The following MLH3 variants were observed in gnomAD, a reference collection of about 807,000 sequenced individuals.
MLH3 encodes mutL homolog 3.
Under a neutral mutation model 122.2 loss-of-function variants are expected in MLH3, and 82 were observed. The observed-to-expected ratio is 0.67, with a 90% confidence interval of 0.56 to 0.81. The LOEUF (loss-of-function observed/expected upper bound fraction) is 0.81, where lower values mean the gene tolerates loss of function less well. Among genes scored for constraint, MLH3 ranks in the 30% least tolerant of loss-of-function variants. The probability of loss-of-function intolerance (pLI) is 0.00; values close to 1 mark genes in which losing one functional copy is unlikely to be tolerated. For missense variants in MLH3, 1,539 were observed against 1,714.5 expected (o/e 0.90, Z 1.81); for synonymous variants, 524 against 599.5 (o/e 0.87, Z 1.84).
In MLH3 at chr14:75,047,223, A is replaced by C. The variant is rs769041255; in HGVS notation, c.2433T>G (p.His811Gln). 2 of 1,614,140 alleles carry C rather than the reference A, an allele frequency of 1.2e-6. No individual in the cohort carries two copies. Among genetic ancestry groups the C allele is most frequent in the South Asian group, 2.2e-5 (2 of 91,070 alleles). ...SDVCKITTME[H>Q]SDSDSSCQPA... is the part of the protein sequence containing the mutation. ...GTTGACAACTACTATCTGAATCACT[A>C]TGCTCCATAGTAGTGATTTTACAAA... Residue 811 changes from histidine (H) to glutamine (Q), a missense_variant, in exon 2 of 13, where the codon CAT (histidine) becomes CAG (glutamine). His to Gln is a conservative substitution (Grantham distance 24). Transcript: ENST00000355774.
intron 5 of MLH3, among the ~76,000 whole-genome samples, chr14:75,038,708 A>G (rs1447572027): frequency 6.6e-6 from 1 of 152,252 alleles, no homozygotes. Flanking sequence ...TGTTCCCAAC[A>G]GAGTGACTCT....
In MLH3 at chr14:75,048,303, G is replaced by C. The variant is rs1479636962; in HGVS notation, c.1353C>G (p.Ser451Arg). ...YIYESGGPGH[S>R]KMTEPSLQNK... ...TTTGTAAAGATGGCTCTGTCATTTT[G>C]CTATGGCCTGGACCACCTGATTCAT... is the stretch of plus-strand genomic sequence containing the variant. Residue 451 changes from serine (S) to arginine (R), a missense_variant, in exon 2 of 13, where the codon AGC becomes AGG. Physicochemically the swap from Ser to Arg is moderately radical, Grantham distance 110 (BLOSUM62 -1). Coordinates refer to ENST00000355774, the MANE Select transcript of MLH3 (RefSeq NM_001040108.2). 1.2e-6 allele frequency: 2 copies of C among 1,613,854 alleles called. No individual in the cohort carries two copies. Among genetic ancestry groups the C allele is most frequent in the Admixed American group, 3.3e-5 (2 of 59,996 alleles).
At position 75,014,527 on chromosome 14, in the gene MLH3, G is replaced by A. The variant is rs2139269027; in HGVS notation, c.*2555C>T. 5.0e-6 allele frequency: 1 copy of A among 198,592 alleles called. No individual in the cohort carries two copies. Among genetic ancestry groups the A allele is most frequent in the Non-Finnish European group, 1.0e-5 (1 of 95,896 alleles). 12.3% of individuals were successfully genotyped at this position (198,592 alleles called of 1,614,324 possible). ...GCTAGCTGTAACTAGCTGTGACTCTGTGATACCTAACGCCAGAAGAAGCTA... is the reference window on the plus strand; with the variant it reads ...GCTAGCTGTAACTAGCTGTGACTCTATGATACCTAACGCCAGAAGAAGCTA... On this transcript the variant is annotated 3_prime_UTR_variant, in exon 13 of 13. Transcript: ENST00000355774.
In MLH3 at chr14:75,047,894, T is replaced by C. The variant is rs1892367899; in HGVS notation, c.1762A>G (p.Ser588Gly). Reference sequence around the variant, plus strand: ...AAAACATTTCTTCTTCCACAATTGCTAGATTCTTTTTTTTTCTCTTTCTCT... The same window carrying C: ...AAAACATTTCTTCTTCCACAATTGCCAGATTCTTTTTTTTTCTCTTTCTCT... ...QTEKEKKKESSNCGRRNVFSY... is the reference protein window; with the variant it reads ...QTEKEKKKESGNCGRRNVFSY... Residue 588 changes from serine to glycine, a missense_variant, in exon 2 of 13, where the codon AGC becomes GGC. Transcript: ENST00000355774. The C allele has an allele frequency of 6.2e-7, 1 of 1,613,324 alleles. No homozygotes were observed. Among genetic ancestry groups the C allele is most frequent in the Non-Finnish European group, 8.5e-7 (1 of 1,179,894 alleles).
At chr14:75,038,161 A>G (rs1421193047) in intron 6 of MLH3, among the ~76,000 whole-genome samples, 179 bp downstream of exon 6, 1 of 152,152 alleles carries the variant, frequency 6.6e-6, no homozygotes, top group African/African-American at 2.4e-5. Context: ...CACCTCCCAA[A>G]GTGTTGGGAT....
At chr14:75,030,916 C>T (rs1891007812) in intron 8 of MLH3, among the ~76,000 whole-genome samples, 1 of 152,076 alleles carries the variant, frequency 6.6e-6, no homozygotes, top group African/African-American at 2.4e-5. Flanking sequence ...TTTCTCTTTT[C>T]CATTGGGAAT....
intron 11 of MLH3, among the ~76,000 whole-genome samples, chr14:75,019,906 A>G (rs1357291305): frequency 6.6e-6 from 1 of 152,200 alleles, no homozygotes; most frequent in African/African-American, 2.4e-5. Flanking sequence ...GGGGAGACAA[A>G]CATGAAGCAG....
chr14:75,018,100 G>T (rs566220860), intron 12 of MLH3, among the ~76,000 whole-genome samples: 2 of 151,780 alleles, frequency 1.3e-5, no homozygotes, highest in Non-Finnish European at 2.9e-5. Flanking sequence ...AGCCAAGATC[G>T]CACCATTGCA....
rs553459130 is a variant in MLH3, at chr14:75,046,251, T to C, written c.3280+125A>G. ...TATAGCATGAAAATACAACATATGT[T>C]TTATAAGTGGTCTTCAAAATGTTCT... On this transcript the variant is annotated intron_variant, in intron 2 of 12. Transcript: ENST00000355774. 285 of 959,486 alleles carry C rather than the reference T, an allele frequency of 3.0e-4. No homozygotes were observed. In the African/African-American group the frequency reaches 3.9e-3, roughly 13 times the overall value. 59.4% of individuals were successfully genotyped at this position (959,486 alleles called of 1,614,324 possible).
Position 75,032,142 on chromosome 14 carries a change from C to A in MLH3, c.3753G>T (p.Arg1251=), listed in dbSNP as rs1443601601. The change falls in exon 8 of 13, where the codon CGG becomes CGT. Residue 1251 remains arginine (R), a synonymous_variant. Coordinates refer to ENST00000355774, the MANE Select transcript of MLH3 (RefSeq NM_001040108.2). ...TTAGAGTAGAAGACAGTAATTTTTT[C>A]CGACCAGAGCCTTGTGCCTGTTGCT... ...YEKQQAQGSG[R]KKLLSSTLIP... is the part of the protein sequence containing the mutation. 1.9e-6 allele frequency: 3 copies of A among 1,613,700 alleles called. No individual in the cohort carries two copies. Among genetic ancestry groups the A allele is most frequent in the Admixed American group, 1.7e-5 (1 of 59,986 alleles).
chr14:75,036,353 A>ATTT lies in MLH3; in HGVS notation c.3643+1984_3643+1986dup, dbSNP rs72459530. 9.8e-4 allele frequency among the ~76,000 whole-genome samples: 147 copies of ATTT among 149,836 alleles called. 1 individual carries two copies. Among genetic ancestry groups the ATTT allele is most frequent in the East Asian group, 2.0e-3 (10 of 5,076 alleles). On this transcript the variant is annotated intron_variant, in intron 6 of 12. Coordinates refer to ENST00000355774, the MANE Select transcript of MLH3 (RefSeq NM_001040108.2). The stretch of plus-strand genomic sequence containing the variant: ...CCAACCACATTCTTGACATCTTTTT[A>ATTT]TTTTATTTTTTTGACAGAGTTTCGC...
At chr14:75,033,965 C>T (rs1022323712) in intron 6 of MLH3, among the ~76,000 whole-genome samples, 4 of 152,186 alleles carry the variant, frequency 2.6e-5, no homozygotes, top group Admixed American at 2.0e-4. Flanking sequence ...GAGGCTGAGG[C>T]GGGCGGATCA....
rs1215630711 is a variant in MLH3, at chr14:75,038,344, C to T, written c.3639G>A (p.Glu1213=). ...LMSTKTEENG[E]AGGNLLVLVD... is the part of the protein sequence containing the mutation. ...CAGGCTAAACTCCATTCTTACCTGC[C>T]TCGCCATTCTCTTCAGTCTTAGTGC... The change falls in exon 6 of 13, where the codon GAG becomes GAA. Residue 1213 remains glutamate, a synonymous_variant. Transcript: ENST00000355774. 1 of 1,612,642 alleles carries T rather than the reference C, an allele frequency of 6.2e-7. No individual in the cohort carries two copies. The highest frequency in any genetic ancestry group is 1.1e-5 in the South Asian group (1 of 91,040).
chr14:75,025,869 C>T (rs531850829), intron 9 of MLH3, among the ~76,000 whole-genome samples: 1 of 152,332 alleles, frequency 6.6e-6, no homozygotes, highest in East Asian at 1.9e-4. Context: ...AATGGCACCA[C>T]CATCCTTCCA....
At chr14:75,031,596 T>C (rs1891053467) in intron 8 of MLH3, among the ~76,000 whole-genome samples, 1 of 152,208 alleles carries the variant, frequency 6.6e-6, no homozygotes, top group Non-Finnish European at 1.5e-5. Flanking sequence ...GAGGATCGCT[T>C]GAGCCTAGGA....
chr14:75,027,089 ACT>A (rs1437087424), intron 9 of MLH3, among the ~76,000 whole-genome samples: 1 of 151,788 alleles, frequency 6.6e-6, no homozygotes, highest in Non-Finnish European at 1.5e-5. Flanking sequence ...ACAGAGTGAG[ACT>A]CTGTCTCAAA....
At chr14:75,030,305 T>C (rs1206232939) in intron 9 of MLH3, among the ~76,000 whole-genome samples, 1 of 152,222 alleles carries the variant, frequency 6.6e-6, no homozygotes, top group African/African-American at 2.4e-5. Flanking sequence ...ATTACCTTTA[T>C]CACTGGGAAG....
chr14:75,035,062 C>CAAAAAAAAAAAAAA (rs36096670), intron 6 of MLH3, among the ~76,000 whole-genome samples: 9 of 40,226 alleles, frequency 2.2e-4, no homozygotes, highest in African/African-American at 5.2e-4. Flanking sequence ...GACTCCATCT[C>CAAAAAAAAAAAAAA]AAAAAAAAAA....
rs1889904254 is a variant in MLH3, at chr14:75,016,663, A to G, written c.*419T>C. The G allele has an allele frequency of 3.3e-6, 1 of 305,532 alleles. No individual in the cohort carries two copies. The highest frequency in any genetic ancestry group is 2.2e-5 in the African/African-American group (1 of 46,354). 18.9% of individuals were successfully genotyped at this position (305,532 alleles called of 1,614,324 possible). ...CAGAAACCCTGGGGGCAGCCTGGGAAGGCAGACTACCCCTTGGACTTGAGC... is the reference window on the plus strand; with the variant it reads ...CAGAAACCCTGGGGGCAGCCTGGGAGGGCAGACTACCCCTTGGACTTGAGC... On this transcript the variant is annotated 3_prime_UTR_variant, in exon 13 of 13. Coordinates refer to ENST00000355774, the MANE Select transcript of MLH3 (RefSeq NM_001040108.2).
Sources: gnomAD v4.1 joint callset for allele counts (sites outside exome capture counted in the v4.1 genomes callset) on GRCh38, gnomAD v4.1.1 for gene constraint, MANE v1.5 for transcripts, NCBI Gene and HGNC (gene_info 2026-07-23, HGNC 2026-07-21) for gene names.